ZNF714: variants seen among roughly 807,000 people sequenced by gnomAD.
ZNF714 encodes the protein zinc finger protein 714.
ZNF714 carries 32 observed loss-of-function variants against 46.2 expected under a neutral mutation model. The observed-to-expected ratio is 0.69, with a 90% confidence interval of 0.52 to 0.93. The LOEUF is 0.93. Ranked by LOEUF, ZNF714 falls within the 40% of genes least tolerant of loss-of-function variation. The pLI is 0.00. For missense variants in ZNF714, 635 were observed against 646.3 expected (o/e 0.98, Z 0.19); for synonymous variants, 199 against 213.1 (o/e 0.93, Z 0.58).
chr19:21,083,880 G>A (rs1776172751), intron 1 of ZNF714, 98 bp from the exon 2 acceptor site: 15 of 510,126 alleles, frequency 2.9e-5, no homozygotes, highest in Non-Finnish European at 1.5e-5. Context: ...CTGGTCGTGG[G>A]TTTCAGTACT....
At chr19:21,093,194 AT>A (rs1295222882) in intron 2 of ZNF714, among the ~76,000 whole-genome samples, 6 of 150,328 alleles carry the variant, frequency 4.0e-5, no homozygotes, top group Non-Finnish European at 7.4e-5. Flanking sequence ...GTGAGCCACC[AT>A]ACCTGGCCTT....
chr19:21,117,034 A>T lies in ZNF714; in HGVS notation c.370A>T (p.Lys124Ter). 6.2e-7 allele frequency: 1 copy of T among 1,613,210 alleles called. No homozygotes were observed. The highest frequency in any genetic ancestry group is 8.5e-7 in the Non-Finnish European group (1 of 1,179,432). The change falls in exon 5 of 5, where the codon AAA (lysine) becomes TAA (stop). Residue 124 changes from lysine (K) to a stop codon, truncating the protein, a stop_gained. Coordinates refer to ENST00000456283, the MANE Select transcript of ZNF714 (RefSeq NM_182515.4). LOFTEE classifies it high-confidence loss of function. Reference sequence around the variant, plus strand: ...AATATTTCCATGTGATAAATATATAAAAGTCTTTCATAAAATTTTCAATTC... The same window carrying T: ...AATATTTCCATGTGATAAATATATATAAGTCTTTCATAAAATTTTCAATTC... ...SKIFPCDKYI[K>*]VFHKIFNSNR...
chr19:21,118,083 A>T lies in ZNF714; in HGVS notation c.1419A>T (p.Ile473=), dbSNP rs774768705. The T allele has an allele frequency of 6.2e-7, 1 of 1,613,960 alleles. No homozygotes were observed. Among genetic ancestry groups the T allele is most frequent in the Non-Finnish European group, 8.5e-7 (1 of 1,179,922 alleles). The change falls in exon 5 of 5, where the codon ATA becomes ATT. Residue 473 remains isoleucine, a synonymous_variant. Coordinates refer to ENST00000456283, the MANE Select transcript of ZNF714 (RefSeq NM_182515.4). The part of the protein sequence containing the change: ...NRSSNLTKHN[I]IHTGEKSYKC... The stretch of plus-strand genomic sequence containing the variant: ...CCTCAAACCTTACTAAACATAACAT[A>T]ATTCATACTGGAGAGAAATCTTACA...
rs1465440116 is a variant in ZNF714 at position 21,120,195 on chromosome 19, C to T, written c.*1863C>T. ...TAGCTGGGATTACAGGCGCATATCACCACGCCCAGCTAATTTTTATGTTTC... is the reference window on the plus strand; with the variant it reads ...TAGCTGGGATTACAGGCGCATATCATCACGCCCAGCTAATTTTTATGTTTC... On this transcript the variant is annotated 3_prime_UTR_variant, in exon 5 of 5. Coordinates refer to ENST00000456283, the MANE Select transcript of ZNF714 (RefSeq NM_182515.4). The T allele has an allele frequency of 6.6e-6, 1 of 152,160 alleles. No homozygotes were observed. The highest frequency in any genetic ancestry group is 1.5e-5 in the Non-Finnish European group (1 of 68,058). The allele number at this position is 152,160 out of a possible 1,614,324, so 9.4% of individuals were successfully genotyped here.
Position 21,116,966 on chromosome 19 carries a change from G to C in ZNF714, c.302G>C (p.Gly101Ala), listed in dbSNP as rs772993080. 2 of 1,609,350 alleles carry C rather than the reference G, an allele frequency of 1.2e-6. No individual in the cohort carries two copies. The highest frequency in any genetic ancestry group is 4.5e-5 in the East Asian group (2 of 44,674). ...NVVECKVYKK[G>A]YNELNQCLTT... is the part of the protein sequence containing the mutation. ...GTTGAGTGTAAGGTGTACAAAAAAG[G>C]TTATAATGAACTAAACCAGTGTTTG... The change falls in exon 5 of 5, where the codon GGT becomes GCT. Residue 101 changes from glycine (G) to alanine (A), a missense_variant. Gly to Ala is a moderately conservative substitution (Grantham distance 60). Coordinates refer to ENST00000456283, the MANE Select transcript of ZNF714 (RefSeq NM_182515.4).
At chr19:21,107,231 G>A (rs1276033148) in intron 4 of ZNF714, among the ~76,000 whole-genome samples, 1 of 131,664 alleles carries the variant, frequency 7.6e-6, no homozygotes, top group East Asian at 2.6e-4. Flanking sequence ...TTAAATTTTA[G>A]ACAAGTTTTC....
chr19:21,109,222 A>C (rs1969391263), intron 4 of ZNF714, among the ~76,000 whole-genome samples: 2 of 151,858 alleles, frequency 1.3e-5, no homozygotes, highest in African/African-American at 4.8e-5. Context: ...TCTTTTTATA[A>C]ATTTATTTAT....
At chr19:21,105,885 G>A (rs1250366174) in intron 4 of ZNF714, among the ~76,000 whole-genome samples, 1 of 151,928 alleles carries the variant, frequency 6.6e-6, no homozygotes, top group Non-Finnish European at 1.5e-5. Flanking sequence ...AACCCGGAAG[G>A]TGTAAGTTGC....
At chr19:21,110,941 G>C (rs11667757) in intron 4 of ZNF714, among the ~76,000 whole-genome samples, 20,030 of 151,984 alleles carry the variant, frequency 0.13, 1,554 homozygotes, top group Non-Finnish European at 0.17. Context: ...TGTTCCATTG[G>C]TCTATGTGTC....
rs1969727301 is a variant in ZNF714 at position 21,122,835 on chromosome 19, T to C, written c.*4503T>C. The C allele has an allele frequency of 6.6e-6, 1 of 152,090 alleles. No homozygotes were observed. The highest frequency in any genetic ancestry group is 1.5e-5 in the Non-Finnish European group (1 of 68,026). 9.4% of individuals were successfully genotyped at this position (152,090 alleles called of 1,614,324 possible). A position where few individuals can be genotyped will look rare whatever the true frequency, so the allele number is the denominator to read the frequency against. ...AATGGATTTTAACTGGTGAGTTCGC[T>C]TATCAATATAACATTCAGATTAGTT... On this transcript the variant is annotated 3_prime_UTR_variant, in exon 5 of 5. Transcript: ENST00000456283.
At chr19:21,083,100 C>T (rs1310211879) in intron 1 of ZNF714, among the ~76,000 whole-genome samples, 5 of 151,268 alleles carry the variant, frequency 3.3e-5, no homozygotes, top group African/African-American at 1.2e-4. Context: ...TGCAATGGGG[C>T]GATCTTGTCT....
At position 21,116,826 on chromosome 19, in the gene ZNF714, C is replaced by T. The variant is rs768521057; in HGVS notation, c.162C>T (p.Thr54=). ...TTTCAGCTATGTGTTCTTCTTTTACCAGAGACCTTTGGCCAGAGCAAGACA... is the reference window on the plus strand; with the variant it reads ...TTTCAGCTATGTGTTCTTCTTTTACTAGAGACCTTTGGCCAGAGCAAGACA... ...DESPAMCSSF[T]RDLWPEQDIK... Residue 54 remains threonine (T), a synonymous_variant, in exon 5 of 5, where the codon ACC becomes ACT. Transcript: ENST00000456283. 76 of 1,595,620 alleles carry T rather than the reference C, an allele frequency of 4.8e-5. 1 individual carries two copies. The East Asian group carries it at 1.7e-3, about 35-fold the overall frequency.
At chr19:21,109,501 T>C (rs1192083505) in intron 4 of ZNF714, 2 of 194,322 alleles carry the variant, frequency 1.0e-5, no homozygotes, top group Non-Finnish European at 1.9e-5. Context: ...ATTACATTTT[T>C]TAAATAAGTA....
chr19:21,116,771 G>A (rs1969603606), intron 4 of ZNF714, 36 bp from the exon 5 acceptor site: 1 of 1,546,686 alleles, frequency 6.5e-7, no homozygotes, highest in Non-Finnish European at 8.7e-7. Context: ...TCAGAGTCTA[G>A]TAAGTTGAAT....
Position 21,118,953 on chromosome 19 carries a change from C to CA in ZNF714, c.*622dup, listed in dbSNP as rs1273991503. ...AATGTGGCAAAACTTAACCAGTGCTCACACCTTATTGCACAGGAAAGCATT... is the reference window on the plus strand; with the variant it reads ...AATGTGGCAAAACTTAACCAGTGCTCAACACCTTATTGCACAGGAAAGCATT... On this transcript the variant is annotated 3_prime_UTR_variant, in exon 5 of 5. Coordinates refer to ENST00000456283, the MANE Select transcript of ZNF714 (RefSeq NM_182515.4). 5.5e-5 allele frequency: 16 copies of CA among 289,390 alleles called. No individual in the cohort carries two copies. Among genetic ancestry groups the CA allele is most frequent in the Non-Finnish European group, 8.4e-5 (13 of 155,578 alleles). 17.9% of individuals were successfully genotyped at this position (289,390 alleles called of 1,614,324 possible).
chr19:21,104,747 A>C (rs982123628), intron 4 of ZNF714, among the ~76,000 whole-genome samples: 2 of 150,872 alleles, frequency 1.3e-5, no homozygotes, highest in Admixed American at 1.3e-4. Flanking sequence ...CGAGTAGCTG[A>C]GATTACAGGT....
At chr19:21,085,577 A>G (rs1370276974) in intron 2 of ZNF714, among the ~76,000 whole-genome samples, 2 of 152,280 alleles carry the variant, frequency 1.3e-5, no homozygotes, top group Non-Finnish European at 2.9e-5. Context: ...TAACTCTAAC[A>G]TGGAAACTAA....
Position 21,119,450 on chromosome 19 carries a change from GA to G in ZNF714, c.*1119del. 1 of 161,686 alleles carries G rather than the reference GA, an allele frequency of 6.2e-6. No homozygotes were observed. 10.0% of individuals were successfully genotyped at this position (161,686 alleles called of 1,614,324 possible). On this transcript the variant is annotated 3_prime_UTR_variant, in exon 5 of 5. Transcript: ENST00000456283. ...TACAGTGAAGAATATTTATTTTGAA[GA>G]TGAATGTTACAAATATAAAGTGGGT...
At chr19:21,085,188 A>G (rs566066400) in intron 2 of ZNF714, among the ~76,000 whole-genome samples, 1 of 152,328 alleles carries the variant, frequency 6.6e-6, no homozygotes, top group Non-Finnish European at 1.5e-5. Flanking sequence ...ATACATGTCC[A>G]TAAGAAAATG....
Sources: allele counts gnomAD v4.1 joint callset (sites outside exome capture counted in the v4.1 genomes callset), GRCh38; gene constraint gnomAD v4.1.1; transcripts MANE v1.5; gene names NCBI Gene and HGNC (gene_info 2026-07-23, HGNC 2026-07-21).